SDK2: variants seen among roughly 807,000 people sequenced by gnomAD.
SDK2 encodes protein sidekick-2.
SDK2 carries 105 observed loss-of-function variants against 253.9 expected under a neutral mutation model. The observed-to-expected ratio is 0.41, with a 90% confidence interval of 0.35 to 0.49. The LOEUF is 0.49. Ranked by LOEUF, SDK2 falls within the 20% of genes least tolerant of loss-of-function variation. The pLI, the probability that SDK2 is intolerant of heterozygous loss-of-function variation, is 0.06. For synonymous variants in SDK2, 1,249 were observed against 1,234.9 expected (o/e 1.01, Z -0.24); for missense variants, 2,608 against 3,003.0 (o/e 0.87, Z 3.07).
chr17:73,358,390 TC>T (rs1378330953), intron 39 of SDK2, among the ~76,000 whole-genome samples, 186 bp from the exon 40 acceptor site: 9 of 152,014 alleles, frequency 5.9e-5, no homozygotes, highest in Non-Finnish European at 1.3e-4. Context: ...TGGACTGTTG[TC>T]CCCCTGGGCT....
At chr17:73,608,089 C>G (rs1382949864) in intron 1 of SDK2, among the ~76,000 whole-genome samples, 1 of 152,058 alleles carries the variant, frequency 6.6e-6, no homozygotes, top group East Asian at 1.9e-4. Flanking sequence ...CCTTTCTGTT[C>G]CCGGATCCCA....
chr17:73,378,456 A>G (rs569824283), intron 36 of SDK2, among the ~76,000 whole-genome samples: 32 of 149,846 alleles, frequency 2.1e-4, no homozygotes, highest in African/African-American at 7.4e-4. Context: ...GTCTCACTCT[A>G]TTGCTCAGGC....
chr17:73,530,347 T>A (rs1228462592), intron 1 of SDK2, among the ~76,000 whole-genome samples: 2 of 151,038 alleles, frequency 1.3e-5, no homozygotes, highest in African/African-American at 4.9e-5. Context: ...AGAGAGAGAG[T>A]GCAGGGGAAA....
At chr17:73,353,706 T>TTC (rs1305675277) in intron 40 of SDK2, among the ~76,000 whole-genome samples, 1 of 141,868 alleles carries the variant, frequency 7.0e-6, no homozygotes, top group Non-Finnish European at 1.5e-5. Flanking sequence ...GCCAATTTTT[T>TTC]TTTTTTTTTT....
rs1472480329 is a variant in SDK2, at chr17:73,639,061, C to T, written c.64+4964G>A. 2.6e-5 allele frequency among the ~76,000 whole-genome samples: 4 copies of T among 152,122 alleles called. No individual in the cohort carries two copies. Among genetic ancestry groups the T allele is most frequent in the African/African-American group, 9.7e-5 (4 of 41,428 alleles). ...CTGACCTCAAGTGATCTGCCGGCCTCGGCCTCCCAAAGTGCTGGGATTACA... is the reference window on the plus strand; with the variant it reads ...CTGACCTCAAGTGATCTGCCGGCCTTGGCCTCCCAAAGTGCTGGGATTACA... On this transcript the variant is annotated intron_variant, in intron 1 of 44. Transcript: ENST00000392650. The surrounding 1 kb of genome is among the most constrained non-coding windows in gnomAD (Gnocchi z 4.3).
intron 1 of SDK2, among the ~76,000 whole-genome samples, chr17:73,636,469 C>T (rs2143287547): frequency 6.6e-6 from 1 of 152,158 alleles, no homozygotes; most frequent in South Asian, 2.1e-4. Flanking sequence ...GGGCGAGTCA[C>T]TTGAGGTCAG....
intron 1 of SDK2, among the ~76,000 whole-genome samples, chr17:73,582,725 T>C (rs957969463): frequency 6.6e-6 from 1 of 152,054 alleles, no homozygotes; most frequent in Middle Eastern, 3.2e-3. Flanking sequence ...CAGAACCCCT[T>C]CTCCTCCTGG....
At chr17:73,573,572 G>A (rs952644495) in intron 1 of SDK2, among the ~76,000 whole-genome samples, 9 of 152,012 alleles carry the variant, frequency 5.9e-5, no homozygotes, top group East Asian at 1.9e-4. Flanking sequence ...CCCGCCAAAC[G>A]CACCTTGAAT....
intron 1 of SDK2, among the ~76,000 whole-genome samples, chr17:73,617,539 C>T (rs2046076902): frequency 6.6e-6 from 1 of 151,810 alleles, no homozygotes; most frequent in South Asian, 2.1e-4. Context: ...TGTCCTCTGG[C>T]TGCAGAGATC....
intron 4 of SDK2, among the ~76,000 whole-genome samples, chr17:73,450,386 A>T (rs954016321): frequency 6.6e-6 from 1 of 152,020 alleles, no homozygotes; most frequent in African/African-American, 2.4e-5. Context: ...GCAGCCCGCC[A>T]CCTGTCTCTT....
chr17:73,522,041 C>G (rs1462632469), intron 1 of SDK2, among the ~76,000 whole-genome samples: 1 of 152,210 alleles, frequency 6.6e-6, no homozygotes, highest in African/African-American at 2.4e-5. Context: ...GGCACTGAGG[C>G]TTGGAGAGTT....
intron 1 of SDK2, among the ~76,000 whole-genome samples, chr17:73,516,368 A>T (rs1458775612): frequency 6.6e-6 from 1 of 152,198 alleles, no homozygotes; most frequent in African/African-American, 2.4e-5. Flanking sequence ...AAATGTCTGC[A>T]CGTCATACAC....
chr17:73,389,183 CT>C (rs61085516), intron 29 of SDK2, among the ~76,000 whole-genome samples: 1,015 of 99,004 alleles, frequency 0.01, 9 homozygotes, highest in African/African-American at 0.039. Context: ...ATATTCCTTT[CT>C]TTTTTTTTTT....
chr17:73,601,312 G>T (rs1248699554), intron 1 of SDK2, among the ~76,000 whole-genome samples: 1 of 152,050 alleles, frequency 6.6e-6, no homozygotes, highest in Non-Finnish European at 1.5e-5. Context: ...GAGCCACCGC[G>T]CCTGGCCTTA....
intron 1 of SDK2, among the ~76,000 whole-genome samples, chr17:73,615,328 GA>G (rs891175809): frequency 1.3e-5 from 2 of 152,228 alleles, no homozygotes; most frequent in Admixed American, 6.5e-5. Context: ...GCTGAGTCTA[GA>G]ACTGGGCCTC....
At chr17:73,498,082 A>G (rs900329454) in intron 2 of SDK2, among the ~76,000 whole-genome samples, 12 of 152,156 alleles carry the variant, frequency 7.9e-5, no homozygotes, top group Non-Finnish European at 1.8e-4. Context: ...CCACACTTGC[A>G]CTATTATTTA....
intron 1 of SDK2, among the ~76,000 whole-genome samples, chr17:73,615,310 C>G (rs1002726476): frequency 6.6e-6 from 1 of 152,240 alleles, no homozygotes; most frequent in Non-Finnish European, 1.5e-5. Flanking sequence ...GAATTGGCCA[C>G]TAGCAGAGCT....
rs547896976 is a variant in SDK2, at chr17:73,428,450, C to A, written c.1583+2061G>T. On this transcript the variant is annotated intron_variant, in intron 12 of 44. Coordinates refer to ENST00000392650, the MANE Select transcript of SDK2 (RefSeq NM_001144952.2). ...GCCCTCACCCCTGCACCTGGCTTTG[C>A]TCTGAGGACGTGTCACTCAGGATTC... Among the ~76,000 whole-genome samples the A allele has an allele frequency of 4.6e-5, 7 of 152,282 alleles. No homozygotes were observed. In the South Asian group the frequency reaches 1.2e-3, roughly 27 times the overall value.
intron 1 of SDK2, among the ~76,000 whole-genome samples, chr17:73,608,661 T>C (rs756835522): frequency 3.9e-5 from 6 of 152,182 alleles, no homozygotes; most frequent in African/African-American, 7.2e-5. Context: ...CAGGTTGGTC[T>C]TGAACTCCTG....
Sources: allele counts gnomAD v4.1 joint callset (sites outside exome capture counted in the v4.1 genomes callset), GRCh38; gene constraint gnomAD v4.1.1; non-coding constraint Gnocchi (gnomAD v3.1); transcripts MANE v1.5; gene names NCBI Gene and HGNC (gene_info 2026-07-23, HGNC 2026-07-21).